TBL1XR1: variants seen among roughly 807,000 people sequenced by gnomAD.
TBL1XR1 encodes F-box-like/WD repeat-containing protein TBL1XR1.
TBL1XR1 carries 5 observed loss-of-function variants against 66.9 expected under a neutral mutation model. That is an observed-to-expected ratio of 0.07 (90% confidence interval 0.04 to 0.16). TBL1XR1 has a LOEUF of 0.16. Ranked by LOEUF, TBL1XR1 falls within the 10% of genes least tolerant of loss-of-function variation. The pLI, the probability that TBL1XR1 is intolerant of heterozygous loss-of-function variation, is 1.00. For synonymous variants in TBL1XR1, 210 were observed against 206.0 expected, an observed-to-expected ratio of 1.02 and a Z score of -0.17; for missense variants, 238 against 623.2, an observed-to-expected ratio of 0.38 and a Z score of 6.58.
intron 14 of TBL1XR1, among the ~76,000 whole-genome samples, chr3:177,031,769 A>G (rs1446870915): frequency 1.3e-5 from 2 of 150,796 alleles, no homozygotes; most frequent in African/African-American, 2.4e-5. Flanking sequence ...CTATTTAAAG[A>G]AAAACAAAAA....
intron 2 of TBL1XR1, among the ~76,000 whole-genome samples, chr3:177,073,296 C>A (rs1376892740): frequency 6.6e-6 from 1 of 152,146 alleles, no homozygotes; most frequent in African/African-American, 2.4e-5. Context: ...AACTGGAAAA[C>A]AGGCTCCTTA....
intron 1 of TBL1XR1, among the ~76,000 whole-genome samples, chr3:177,182,953 C>G (rs557104316): frequency 6.6e-6 from 1 of 152,260 alleles, no homozygotes; most frequent in South Asian, 2.1e-4. Context: ...TAAGCTACAG[C>G]TGTTCAGATT....
upstream of TBL1XR1, among the ~76,000 whole-genome samples, chr3:177,198,044 G>A (rs1247369217): frequency 3.3e-5 from 5 of 151,938 alleles, no homozygotes; most frequent in African/African-American, 1.2e-4. Flanking sequence ...ACACGCGGCG[G>A]GCATGTGGGG....
chr3:177,181,436 T>C (rs1313828548), intron 1 of TBL1XR1, among the ~76,000 whole-genome samples: 1 of 146,210 alleles, frequency 6.8e-6, no homozygotes, highest in Non-Finnish European at 1.5e-5. Flanking sequence ...GCCAAGAGCA[T>C]GCCACCACAC....
intron 1 of TBL1XR1, among the ~76,000 whole-genome samples, chr3:177,175,572 T>G (rs1734056960): frequency 6.6e-6 from 1 of 152,210 alleles, no homozygotes; most frequent in Non-Finnish European, 1.5e-5. Context: ...TGAACACACT[T>G]AATTTTTTAA....
intron 1 of TBL1XR1, among the ~76,000 whole-genome samples, chr3:177,102,532 C>G (rs1303909036): frequency 6.6e-6 from 1 of 152,154 alleles, no homozygotes; most frequent in Non-Finnish European, 1.5e-5. Flanking sequence ...AAAGGAATTA[C>G]AAAACTTAAG....
chr3:177,028,567 GA>G (rs1268991980), intron 14 of TBL1XR1, among the ~76,000 whole-genome samples: 1 of 151,954 alleles, frequency 6.6e-6, no homozygotes, highest in Admixed American at 6.6e-5. Flanking sequence ...AACACATTAG[GA>G]AAAAAGATCC....
chr3:177,179,565 T>C (rs552318914), intron 1 of TBL1XR1, among the ~76,000 whole-genome samples: 1 of 152,294 alleles, frequency 6.6e-6, no homozygotes, highest in Non-Finnish European at 1.5e-5. Flanking sequence ...GTATCCAAAG[T>C]TTCTCCCAGG....
At chr3:177,174,991 A>G (rs574746303) in intron 1 of TBL1XR1, among the ~76,000 whole-genome samples, 32 of 152,222 alleles carry the variant, frequency 2.1e-4, no homozygotes, top group Non-Finnish European at 4.6e-4. Flanking sequence ...ACTGTACGCT[A>G]GACATAAACA....
chr3:177,081,586 C>T (rs1344179260), intron 2 of TBL1XR1, among the ~76,000 whole-genome samples: 1 of 151,880 alleles, frequency 6.6e-6, no homozygotes, highest in Non-Finnish European at 1.5e-5. Context: ...CTAATCTCTA[C>T]AAAGAGTTTT....
chr3:177,066,704 G>A (rs147797433), intron 2 of TBL1XR1, among the ~76,000 whole-genome samples: 2 of 152,218 alleles, frequency 1.3e-5, no homozygotes, highest in African/African-American at 4.8e-5. Context: ...TGTCACAGAG[G>A]AACACTGGGG....
intron 1 of TBL1XR1, among the ~76,000 whole-genome samples, chr3:177,144,242 G>A (rs1224837022): frequency 3.3e-5 from 5 of 150,912 alleles, no homozygotes; most frequent in Admixed American, 1.3e-4. Flanking sequence ...GCAAAACTCC[G>A]TCTCAAAAAA....
chr3:177,119,263 G>A (rs1163383279), intron 1 of TBL1XR1, among the ~76,000 whole-genome samples: 5 of 152,108 alleles, frequency 3.3e-5, no homozygotes, highest in Non-Finnish European at 7.4e-5. Flanking sequence ...GTGAGCCACC[G>A]CACCTGGCTG....
rs1715107856 is a variant in TBL1XR1, at chr3:177,038,407, C to T, written c.953G>A (p.Ser318Asn). ...ACTACAAGAAGCAAAGGTGTTGTTG[C>T]TCTGCCAATCAACATCCAATGCTGG... ...SAPALDVDWQ[S>N]NNTFASCSTD... The change falls in exon 11 of 16, where the codon AGC (serine) becomes AAC (asparagine). Residue 318 changes from serine (S) to asparagine (N), a missense_variant. This residue lies in a region of TBL1XR1 where 89 missense variants were observed against 220.2 expected (regional missense o/e 0.40). Transcript: ENST00000457928. 6.4e-7 allele frequency: 1 copy of T among 1,567,472 alleles called. No homozygotes were observed. Among genetic ancestry groups the T allele is most frequent in the Non-Finnish European group, 8.7e-7 (1 of 1,154,858 alleles).
chr3:177,177,398 C>T (rs997845978), intron 1 of TBL1XR1, among the ~76,000 whole-genome samples: 20 of 152,036 alleles, frequency 1.3e-4, no homozygotes, highest in African/African-American at 4.1e-4. Context: ...TGCAGTGAAC[C>T]GAGATTGCGC....
intron 1 of TBL1XR1, among the ~76,000 whole-genome samples, chr3:177,136,843 A>G: frequency 6.6e-6 from 1 of 152,084 alleles, no homozygotes; most frequent in Non-Finnish European, 1.5e-5. Flanking sequence ...TTACTAAATC[A>G]TTTTCAAAAA....
chr3:177,192,246 C>T (rs757718222), intron 1 of TBL1XR1, among the ~76,000 whole-genome samples: 4 of 151,588 alleles, frequency 2.6e-5, no homozygotes, highest in Admixed American at 6.6e-5. Context: ...ATTAGCTGGG[C>T]GTGGTGGCGC....
At chr3:177,086,718 G>A (rs1722168905) in intron 2 of TBL1XR1, among the ~76,000 whole-genome samples, 1 of 151,536 alleles carries the variant, frequency 6.6e-6, no homozygotes, top group Non-Finnish European at 1.5e-5. Context: ...CTCTATCACG[G>A]AACATATACA....
chr3:177,100,591 AT>A (rs1260496766), intron 1 of TBL1XR1, among the ~76,000 whole-genome samples: 1 of 151,956 alleles, frequency 6.6e-6, no homozygotes, highest in East Asian at 1.9e-4. Flanking sequence ...CGCCTGGCCA[AT>A]TTTGGTATTT....
Sources: allele counts gnomAD v4.1 joint callset (sites outside exome capture counted in the v4.1 genomes callset), GRCh38; gene constraint gnomAD v4.1.1; regional missense constraint gnomAD v4.1.1; transcripts MANE v1.5; gene names NCBI Gene and HGNC (gene_info 2026-07-23, HGNC 2026-07-21).